The following PRICKLE2 variants were observed in gnomAD, a reference collection of about 807,000 sequenced individuals.
The protein encoded by PRICKLE2 is prickle-like protein 2.
In PRICKLE2, 21 loss-of-function variants were observed where a neutral mutation model predicts 81.4. The ratio of observed to expected loss-of-function variants is 0.26; its 90% CI spans 0.18 to 0.37. PRICKLE2 has a LOEUF of 0.37. Ranked by LOEUF, PRICKLE2 falls within the 10% of genes least tolerant of loss-of-function variation. The pLI, the probability that PRICKLE2 is intolerant of heterozygous loss-of-function variation, is 1.00. For missense variants in PRICKLE2, 940 were observed against 1,109.0 expected (o/e 0.85, Z 2.16); for synonymous variants, 456 against 421.5 (o/e 1.08, Z -1.00).
chr3:64,105,457 C>T (rs1295949025), intron 7 of PRICKLE2, among the ~76,000 whole-genome samples: 2 of 152,162 alleles, frequency 1.3e-5, no homozygotes, highest in African/African-American at 2.4e-5. Flanking sequence ...TCTCATGTTA[C>T]CCACAGCTTG....
chr3:64,211,487 G>A (rs529101991), intron 1 of PRICKLE2, among the ~76,000 whole-genome samples: 2 of 152,276 alleles, frequency 1.3e-5, no homozygotes, highest in Non-Finnish European at 2.9e-5. Flanking sequence ...TACAGATAAG[G>A]GATGATGTTT....
At chr3:64,240,395 A>C (rs2079246069) in intron 2 of PRICKLE2, among the ~76,000 whole-genome samples, 1 of 152,220 alleles carries the variant, frequency 6.6e-6, no homozygotes, top group African/African-American at 2.4e-5. Context: ...TGAATATTTT[A>C]TATATAGCTA....
rs986278338 is a variant in PRICKLE2, at chr3:64,153,680, T to C, written c.601-312A>G. On this transcript the variant is annotated intron_variant, in intron 5 of 7. Transcript: ENST00000638394. Reference sequence around the variant, plus strand: ...CAAAAACTGACAGCTCACAGGCACATTGGACATACATATCTGCTTCATTTG... The same window carrying C: ...CAAAAACTGACAGCTCACAGGCACACTGGACATACATATCTGCTTCATTTG... 2.5e-5 allele frequency: 9 copies of C among 363,004 alleles called. No individual in the cohort carries two copies. The Admixed American group carries it at 2.6e-4, about 11-fold the overall frequency. The allele number at this position is 363,004 out of a possible 1,614,324, so 22.5% of individuals were successfully genotyped here. A position where few individuals can be genotyped will look rare whatever the true frequency, so the allele number is the denominator to read the frequency against.
At chr3:64,132,176 G>A (rs963260284) in intron 7 of PRICKLE2, among the ~76,000 whole-genome samples, 1 of 152,156 alleles carries the variant, frequency 6.6e-6, no homozygotes, top group African/African-American at 2.4e-5. Context: ...TTTCAATGCA[G>A]TTAACCCTCA....
chr3:64,237,870 T>G (rs1490436290), intron 2 of PRICKLE2, among the ~76,000 whole-genome samples: 1 of 152,124 alleles, frequency 6.6e-6, no homozygotes, highest in Non-Finnish European at 1.5e-5. Context: ...CTTGCCAGGA[T>G]GAGAAAAAGC....
chr3:64,137,261 C>T (rs2077292175), intron 7 of PRICKLE2, among the ~76,000 whole-genome samples: 1 of 152,080 alleles, frequency 6.6e-6, no homozygotes, highest in Non-Finnish European at 1.5e-5. Flanking sequence ...GTGAGATTAA[C>T]AAACTCAAAA....
At chr3:64,260,107 G>A (rs182970769) in intron 2 of PRICKLE2, among the ~76,000 whole-genome samples, 1 of 152,286 alleles carries the variant, frequency 6.6e-6, no homozygotes, top group Non-Finnish European at 1.5e-5. Context: ...CAGGCCCTAT[G>A]TCATGCTTAT....
intron 2 of PRICKLE2, among the ~76,000 whole-genome samples, chr3:64,256,435 A>C: frequency 6.6e-6 from 1 of 152,310 alleles, no homozygotes; most frequent in East Asian, 1.9e-4. Context: ...TTACACAAGT[A>C]CCTACATACT....
chr3:64,155,353 C>T (rs963826528), intron 5 of PRICKLE2, among the ~76,000 whole-genome samples: 2 of 137,010 alleles, frequency 1.5e-5, no homozygotes, highest in East Asian at 2.0e-4. Context: ...ATACCCATTA[C>T]GATAGCTATA....
At chr3:64,115,931 A>G (rs1243459290) in intron 7 of PRICKLE2, among the ~76,000 whole-genome samples, 2 of 152,206 alleles carry the variant, frequency 1.3e-5, no homozygotes, top group African/African-American at 2.4e-5. Context: ...TCTAAAATAG[A>G]TCACACAATC....
chr3:64,118,054 C>G (rs945391040), intron 7 of PRICKLE2, among the ~76,000 whole-genome samples: 2 of 152,148 alleles, frequency 1.3e-5, no homozygotes. Context: ...GGCCACACAC[C>G]TATAGCTATC....
At chr3:64,201,189 A>G (rs1318952592) in intron 1 of PRICKLE2, among the ~76,000 whole-genome samples, 2 of 151,754 alleles carry the variant, frequency 1.3e-5, no homozygotes, top group Non-Finnish European at 2.9e-5. Context: ...TCGGCCTCCC[A>G]AAGTGCTAGG....
At chr3:64,242,950 A>G (rs1034545069) in intron 2 of PRICKLE2, among the ~76,000 whole-genome samples, 1 of 152,256 alleles carries the variant, frequency 6.6e-6, no homozygotes. Flanking sequence ...ACAGAGAATA[A>G]TTGTTTCTAT....
rs200933819 is a variant in PRICKLE2 at position 64,198,974 on chromosome 3, G to C, written c.-40-7C>G. On this transcript the variant is annotated splice_region_variant and splice_polypyrimidine_tract_variant and intron_variant, in intron 1 of 7. Coordinates refer to ENST00000638394, the MANE Select transcript of PRICKLE2 (RefSeq NM_198859.4). ...GCAGTGCAGGCAGATCTTCCTGCAG[G>C]CAGTAAAGGTAGAAGGTGAGAAAGA... The C allele has an allele frequency of 3.1e-6, 5 of 1,613,190 alleles. No individual in the cohort carries two copies. In the East Asian group the frequency reaches 1.1e-4, roughly 36 times the overall value.
At chr3:64,141,984 A>G in intron 7 of PRICKLE2, 2 of 973,200 alleles carry the variant, frequency 2.1e-6, no homozygotes, top group Non-Finnish European at 2.4e-6. Flanking sequence ...ATAGTTTAGA[A>G]TGCTATTAAA....
intron 7 of PRICKLE2, among the ~76,000 whole-genome samples, chr3:64,125,284 G>C (rs749483208): frequency 1.3e-5 from 2 of 152,212 alleles, no homozygotes; most frequent in African/African-American, 2.4e-5. Context: ...TGGTGAAGAT[G>C]CTACGAACAT....
chr3:64,153,319 A>C lies in PRICKLE2; in HGVS notation c.650T>G (p.Met217Arg). 6.2e-7 allele frequency: 1 copy of C among 1,614,168 alleles called. No homozygotes were observed. Among genetic ancestry groups the C allele is most frequent in the Non-Finnish European group, 8.5e-7 (1 of 1,180,026 alleles). ...CTEAEGRHWH[M>R]KHFCCFECET... Reference sequence around the variant, plus strand: ...ACACTCGAAGCAGCAAAAGTGTTTCATGTGCCAGTGTCGCCCCTCAGCTTC... The same window carrying C: ...ACACTCGAAGCAGCAAAAGTGTTTCCTGTGCCAGTGTCGCCCCTCAGCTTC... The change falls in exon 6 of 8, where the codon ATG becomes AGG. Residue 217 changes from methionine (M) to arginine (R), a missense_variant. By Grantham distance (91) the Met-to-Arg change is moderately conservative. Around this residue, in one of 2 missense-constraint regions of PRICKLE2, gnomAD observed 270 missense variants for 391.8 expected, o/e 0.69. Transcript: ENST00000638394.
chr3:64,093,751 A>G lies in PRICKLE2; in HGVS notation c.*5300T>C, dbSNP rs752861999. The G allele has an allele frequency of 2.6e-5, 4 of 152,200 alleles. No homozygotes were observed. The highest frequency in any genetic ancestry group is 5.9e-5 in the Non-Finnish European group (4 of 68,034). The allele number at this position is 152,200 out of a possible 1,614,324, so 9.4% of individuals were successfully genotyped here. Reference sequence around the variant, plus strand: ...ATTTAAACAATCAGGTTAATATTTCATAGTAAAACTCATCCCTCCATACCT... The same window carrying G: ...ATTTAAACAATCAGGTTAATATTTCGTAGTAAAACTCATCCCTCCATACCT... On this transcript the variant is annotated 3_prime_UTR_variant, in exon 8 of 8. Coordinates refer to ENST00000638394, the MANE Select transcript of PRICKLE2 (RefSeq NM_198859.4).
At chr3:64,246,665 G>T (rs2079360486) in intron 2 of PRICKLE2, among the ~76,000 whole-genome samples, 1 of 152,166 alleles carries the variant, frequency 6.6e-6, no homozygotes, top group African/African-American at 2.4e-5. Flanking sequence ...CATTTCTGAC[G>T]ACTTTCCAGG....
Sources: allele counts gnomAD v4.1 joint callset (sites outside exome capture counted in the v4.1 genomes callset), GRCh38; gene constraint gnomAD v4.1.1; regional missense constraint gnomAD v4.1.1; transcripts MANE v1.5; gene names NCBI Gene and HGNC (gene_info 2026-07-23, HGNC 2026-07-21).